The following RUNX1T1 variants were observed in gnomAD, a reference collection of about 807,000 sequenced individuals.
The protein encoded by RUNX1T1 is protein CBFA2T1.
RUNX1T1 carries 4 observed loss-of-function variants against 62.8 expected under a neutral mutation model. The ratio of observed to expected loss-of-function variants is 0.06; its 90% CI spans 0.03 to 0.15. RUNX1T1 has a LOEUF of 0.15. RUNX1T1 is among the 10% of genes least tolerant of loss of function. The pLI, the probability that RUNX1T1 is intolerant of heterozygous loss-of-function variation, is 1.00. For missense variants in RUNX1T1, 508 were observed against 754.3 expected (o/e 0.67, Z 3.82); for synonymous variants, 291 against 286.0 (o/e 1.02, Z -0.18).
At chr8:92,004,481 G>A (rs1001977502) in intron 5 of RUNX1T1, 1 of 152,098 alleles carries the variant, frequency 6.6e-6, no homozygotes, top group Non-Finnish European at 1.5e-5. Flanking sequence ...ATGGAGAAGT[G>A]GTTTTATTTT....
intron 1 of RUNX1T1, among the ~76,000 whole-genome samples, chr8:92,077,067 G>A (rs1658713096): frequency 1.3e-5 from 2 of 151,992 alleles, no homozygotes; most frequent in African/African-American, 2.4e-5. Context: ...TTACTTCCTA[G>A]AAATTAAAAT....
At chr8:92,062,701 C>CGGAG (rs757137155) in exon 1 of RUNX1T1, 1 of 1,608,880 alleles carries the variant, frequency 6.2e-7, no homozygotes, top group Non-Finnish European at 8.5e-7. Context: ...GGGTGCTGGG[C>CGGAG]GCGTGCGCCT....
exon 3 of RUNX1T1, chr8:92,014,601 C>T (rs757828605): frequency 5.6e-6 from 9 of 1,609,192 alleles, no homozygotes; most frequent in East Asian, 2.2e-5. Flanking sequence ...AACGAGGGTG[C>T]GAACTCTTTC....
intron 3 of RUNX1T1, among the ~76,000 whole-genome samples, chr8:92,012,925 T>A (rs1039996596): frequency 6.6e-6 from 1 of 152,194 alleles, no homozygotes; most frequent in East Asian, 1.9e-4. Flanking sequence ...TTTTAGATTT[T>A]AAAAAATATA....
In RUNX1T1 at chr8:92,033,495, T is replaced by C. The variant is rs142207541; in HGVS notation, c.8-16132A>G. 8.5e-5 allele frequency among the ~76,000 whole-genome samples: 13 copies of C among 152,268 alleles called. No individual in the cohort carries two copies. In the East Asian group the frequency reaches 2.1e-3, roughly 25 times the overall value. On this transcript the variant is annotated intron_variant, in intron 1 of 10. Transcript: ENST00000396218. ...CAGAATGGGGCAGAACTTTCAAATA[T>C]ATTGTCAGGCCAGGCACAGTGGCTC...
chr8:91,976,735 A>G (rs1175882879), intron 8 of RUNX1T1, among the ~76,000 whole-genome samples: 1 of 152,252 alleles, frequency 6.6e-6, no homozygotes, highest in Non-Finnish European at 1.5e-5. Context: ...GAATTAACAC[A>G]AAACATTTTA....
chr8:92,059,971 T>C (rs951956553), intron 1 of RUNX1T1, among the ~76,000 whole-genome samples: 10 of 152,154 alleles, frequency 6.6e-5, no homozygotes, highest in Non-Finnish European at 1.5e-4. Context: ...TCACTTATTG[T>C]CCTTTTAAGG....
chr8:91,972,886 C>A (rs1165427771), intron 9 of RUNX1T1, among the ~76,000 whole-genome samples: 1 of 151,970 alleles, frequency 6.6e-6, no homozygotes, highest in African/African-American at 2.4e-5. Context: ...AATTTTAAAA[C>A]CATCTTTATG....
chr8:92,059,469 T>C (rs1831560367), intron 1 of RUNX1T1, among the ~76,000 whole-genome samples: 1 of 152,204 alleles, frequency 6.6e-6, no homozygotes, highest in African/African-American at 2.4e-5. Context: ...TAGTACACAG[T>C]GGCTATAAAT....
intron 1 of RUNX1T1, among the ~76,000 whole-genome samples, chr8:92,041,064 G>A (rs75978182): frequency 0.011 from 1,607 of 152,218 alleles, 21 homozygotes; most frequent in African/African-American, 0.036. Flanking sequence ...CCAAGTGCCA[G>A]TTATCTTGCT....
At chr8:92,079,287 A>G (rs1250675191) in intron 1 of RUNX1T1, among the ~76,000 whole-genome samples, 1 of 152,184 alleles carries the variant, frequency 6.6e-6, no homozygotes, top group Non-Finnish European at 1.5e-5. Context: ...ACAAATGTAC[A>G]CTTAGTTTTT....
upstream of RUNX1T1, among the ~76,000 whole-genome samples, chr8:92,102,017 G>A (rs1586048128): frequency 6.6e-6 from 1 of 152,334 alleles, no homozygotes; most frequent in East Asian, 1.9e-4. This position sits in a 1 kb window ranked among gnomAD's most constrained non-coding sequence, Gnocchi z 4.5. Flanking sequence ...CCTTCGGGCG[G>A]GAGCTACAGG....
rs1836306574 is a variant in RUNX1T1, at chr8:92,087,454, A to G, written c.-85-11317T>C. ...TATTCCTATTGTATAACCTACCACA[A>G]TCCTATTACAATAACTTTGCCTTGA... On this transcript the variant is annotated intron_variant, in intron 1 of 11. Coordinates refer to the RUNX1T1 transcript ENST00000265814. Among the ~76,000 whole-genome samples the G allele has an allele frequency of 2.6e-5, 4 of 152,134 alleles. No individual in the cohort carries two copies. In the South Asian group the frequency reaches 8.3e-4, roughly 32 times the overall value.
At chr8:92,033,777 C>T (rs912434291) in intron 1 of RUNX1T1, among the ~76,000 whole-genome samples, 1 of 152,092 alleles carries the variant, frequency 6.6e-6, no homozygotes, top group Non-Finnish European at 1.5e-5. Flanking sequence ...CAAGACCAGC[C>T]TGGCCAATAT....
At chr8:91,958,235 A>G (rs981517626), downstream of RUNX1T1, 1 of 201,822 alleles carries the variant, frequency 5.0e-6, no homozygotes, top group Admixed American at 6.0e-5. Flanking sequence ...ACTTTCCTAA[A>G]GCACACAACC....
intron 1 of RUNX1T1, among the ~76,000 whole-genome samples, chr8:92,056,394 T>C (rs1234595836): frequency 1.3e-5 from 2 of 152,226 alleles, no homozygotes; most frequent in Non-Finnish European, 1.5e-5. Context: ...AGTGAAACTC[T>C]TCCCAGTATC....
downstream of RUNX1T1, chr8:91,955,963 C>T: frequency 8.7e-6 from 2 of 229,716 alleles, no homozygotes; most frequent in Non-Finnish European, 8.6e-6. Flanking sequence ...ACTACATAAC[C>T]AAGAGTGACA....
At position 92,053,056 on chromosome 8, in the gene RUNX1T1, T is replaced by G. The variant is rs566725066; in HGVS notation, c.7+9490A>C. On this transcript the variant is annotated intron_variant, in intron 1 of 10. Coordinates refer to ENST00000396218, the Ensembl canonical transcript of RUNX1T1. ...ACTCAAAAGTCTTACCCTATTCCTT[T>G]CAAATGATCCAATGCAAATGTTGAA... is the stretch of plus-strand genomic sequence containing the variant. Among the ~76,000 whole-genome samples, 11 of 152,212 alleles carry G rather than the reference T, an allele frequency of 7.2e-5. No homozygotes were observed. In the South Asian group the frequency reaches 2.1e-3, roughly 29 times the overall value.
chr8:92,091,776 A>G lies in RUNX1T1; in HGVS notation c.-86+7804T>C, dbSNP rs555047903. On this transcript the variant is annotated intron_variant, in intron 1 of 11. Coordinates refer to the RUNX1T1 transcript ENST00000265814. ...CTTTGGGCTTGAAACTGGAAACTGC[A>G]TTCCTTAAAAGCATACTTCTTTGGT... Among the ~76,000 whole-genome samples the G allele has an allele frequency of 1.2e-4, 19 of 152,316 alleles. No homozygotes were observed. In the East Asian group the frequency reaches 3.5e-3, roughly 28 times the overall value.
Sources: gnomAD v4.1 joint callset for allele counts (sites outside exome capture counted in the v4.1 genomes callset) on GRCh38, gnomAD v4.1.1 for gene constraint, Gnocchi (gnomAD v3.1) non-coding constraint, MANE v1.5 for transcripts, NCBI Gene and HGNC (gene_info 2026-07-23, HGNC 2026-07-21) for gene names.